HHAT: variants seen among roughly 807,000 people sequenced by gnomAD.
HHAT encodes protein-cysteine N-palmitoyltransferase HHAT.
HHAT carries 47 observed loss-of-function variants against 70.8 expected under a neutral mutation model. The ratio of observed to expected loss-of-function variants is 0.66; its 90% CI spans 0.53 to 0.85. The LOEUF (loss-of-function observed/expected upper bound fraction) is 0.85, where lower values mean the gene tolerates loss of function less well. HHAT is among the 40% of genes least tolerant of loss of function. The probability of loss-of-function intolerance (pLI) is 0.00; values close to 1 mark genes in which losing one functional copy is unlikely to be tolerated. For missense variants in HHAT, 609 were observed against 604.8 expected (o/e 1.01, Z -0.07); for synonymous variants, 228 against 247.6 (o/e 0.92, Z 0.74).
At chr1:210,548,477 C>T (rs1326573982) in intron 9 of HHAT, among the ~76,000 whole-genome samples, 1 of 152,266 alleles carries the variant, frequency 6.6e-6, no homozygotes, top group East Asian at 1.9e-4. Flanking sequence ...AATCAGGTTC[C>T]AAGCCACAGA....
chr1:210,356,844 GC>G (rs1194228107), intron 2 of HHAT, among the ~76,000 whole-genome samples: 1 of 152,228 alleles, frequency 6.6e-6, no homozygotes, highest in East Asian at 1.9e-4. Context: ...GAAAACAGAG[GC>G]CACTGGTCCT....
intron 7 of HHAT, among the ~76,000 whole-genome samples, chr1:210,438,662 A>G (rs1227280261): frequency 6.6e-6 from 1 of 151,790 alleles, no homozygotes; most frequent in Non-Finnish European, 1.5e-5. Flanking sequence ...GAACTGACTC[A>G]GGTCTGGAAA....
chr1:210,665,946 T>A (rs1329807555), intron 11 of HHAT, among the ~76,000 whole-genome samples: 1 of 152,230 alleles, frequency 6.6e-6, no homozygotes, highest in East Asian at 1.9e-4. Flanking sequence ...AGATTGTGTA[T>A]TCTTTGTTGT....
At chr1:210,394,471 A>G (rs181462105) in intron 4 of HHAT, among the ~76,000 whole-genome samples, 1 of 152,074 alleles carries the variant, frequency 6.6e-6, no homozygotes, top group African/African-American at 2.4e-5. Context: ...GCCTCCTTTC[A>G]TGAACGCCAA....
At chr1:210,384,177 T>G (rs900449382) in intron 3 of HHAT, among the ~76,000 whole-genome samples, 12 of 152,110 alleles carry the variant, frequency 7.9e-5, no homozygotes, top group Admixed American at 3.3e-4. Context: ...TCTCTCAGAG[T>G]CCTTAGTATT....
rs765471482 is a variant in HHAT at position 210,588,079 on chromosome 1, C to G, written c.1225C>G (p.Pro409Ala). ...ENGVRRLVET[P>A]CIQDSLARYF... The stretch of plus-strand genomic sequence containing the variant: ...TGGAGTCCGGAGGCTGGTGGAGACT[C>G]CCTGCATCCAGGACAGTCTGGTGAG... Residue 409 changes from proline (P) to alanine (A), a missense_variant, in exon 10 of 12, where the codon CCC (proline) becomes GCC (alanine). Pro to Ala is a conservative substitution (Grantham distance 27). Transcript: ENST00000261458. 3.7e-6 allele frequency: 6 copies of G among 1,608,522 alleles called. No homozygotes were observed. The highest frequency in any genetic ancestry group is 1.7e-4 in the Middle Eastern group (1 of 6,052).
intron 5 of HHAT, among the ~76,000 whole-genome samples, chr1:210,401,559 A>G (rs1211383361): frequency 6.6e-6 from 1 of 152,204 alleles, no homozygotes; most frequent in Non-Finnish European, 1.5e-5. Flanking sequence ...TCAACCACCT[A>G]TCCATTGTTG....
chr1:210,400,694 A>G (rs770105781), intron 5 of HHAT, 32 bp downstream of exon 5: 2 of 1,588,182 alleles, frequency 1.3e-6, no homozygotes, highest in South Asian at 2.3e-5. Flanking sequence ...TTGGGAATCC[A>G]GAGAAGGCCC....
intron 10 of HHAT, among the ~76,000 whole-genome samples, chr1:210,608,146 C>G (rs1194750248): frequency 6.6e-6 from 1 of 152,068 alleles, no homozygotes; most frequent in Non-Finnish European, 1.5e-5. Context: ...AGTGAAGACT[C>G]CATTTCGAGA....
chr1:210,654,669 G>C (rs1676004401), intron 11 of HHAT, among the ~76,000 whole-genome samples: 1 of 152,178 alleles, frequency 6.6e-6, no homozygotes, highest in Non-Finnish European at 1.5e-5. Flanking sequence ...GTCGCATGAT[G>C]GTTAGTTTAT....
At chr1:210,619,961 C>A (rs1573789192) in intron 10 of HHAT, among the ~76,000 whole-genome samples, 1 of 152,178 alleles carries the variant, frequency 6.6e-6, no homozygotes, top group East Asian at 1.9e-4. Context: ...TCTGGTATTC[C>A]CCCATTTCGT....
intron 8 of HHAT, among the ~76,000 whole-genome samples, chr1:210,494,445 C>A (rs778242666): frequency 6.6e-6 from 1 of 151,096 alleles, no homozygotes; most frequent in Non-Finnish European, 1.5e-5. Context: ...TTTTTAGCCT[C>A]AGCCGCTGGT....
intron 11 of HHAT, among the ~76,000 whole-genome samples, chr1:210,650,543 T>C (rs930003294): frequency 6.6e-6 from 1 of 152,230 alleles, no homozygotes; most frequent in African/African-American, 2.4e-5. Context: ...GATTATTTTT[T>C]CTTTTCATTA....
At chr1:210,381,512 C>G (rs2090634147) in intron 3 of HHAT, among the ~76,000 whole-genome samples, 2 of 152,220 alleles carry the variant, frequency 1.3e-5, no homozygotes, top group Admixed American at 1.3e-4. Context: ...AGCTCCTGGC[C>G]TCAAGCTATC....
chr1:210,495,645 C>G (rs2094625149), intron 8 of HHAT, among the ~76,000 whole-genome samples: 1 of 152,016 alleles, frequency 6.6e-6, no homozygotes, highest in Non-Finnish European at 1.5e-5. Context: ...CAACTAATGC[C>G]TATTGGACCA....
At chr1:210,646,302 A>C (rs12096661) in intron 11 of HHAT, among the ~76,000 whole-genome samples, 61,321 of 152,096 alleles carry the variant, frequency 0.4, 12,602 homozygotes, top group East Asian at 0.46. Context: ...TATGCATATT[A>C]TTATACTAAA....
At chr1:210,629,267 C>G (rs979146280) in intron 11 of HHAT, among the ~76,000 whole-genome samples, 1 of 152,210 alleles carries the variant, frequency 6.6e-6, no homozygotes, top group Admixed American at 6.5e-5. Flanking sequence ...ACAAGTAATT[C>G]CAGCCAAGTC....
At chr1:210,576,749 A>G (rs954043769) in intron 9 of HHAT, among the ~76,000 whole-genome samples, 31 of 152,234 alleles carry the variant, frequency 2.0e-4, no homozygotes, top group African/African-American at 7.5e-4. Context: ...GCCCATTATT[A>G]GTAAGTATAA....
intron 8 of HHAT, among the ~76,000 whole-genome samples, chr1:210,479,084 T>G (rs984560196): frequency 1.3e-5 from 2 of 152,156 alleles, no homozygotes; most frequent in Non-Finnish European, 2.9e-5. Context: ...CGGGCAAGTT[T>G]TATCAGCATC....
Sources: gnomAD v4.1 joint callset for allele counts (sites outside exome capture counted in the v4.1 genomes callset) on GRCh38, gnomAD v4.1.1 for gene constraint, MANE v1.5 for transcripts, NCBI Gene and HGNC (gene_info 2026-07-23, HGNC 2026-07-21) for gene names.